Variants in LRIF1 observed in about 807,000 individuals in gnomAD.
The protein encoded by LRIF1 is ligand dependent nuclear receptor interacting factor 1.
A neutral mutation model predicts 52.7 loss-of-function variants in LRIF1; 32 were observed. The observed-to-expected ratio is 0.61, with a 90% confidence interval of 0.46 to 0.82. The LOEUF is 0.82. Among genes scored for constraint, LRIF1 ranks in the 40% least tolerant of loss-of-function variants. The probability of loss-of-function intolerance (pLI) is 0.00; values close to 1 mark genes in which losing one functional copy is unlikely to be tolerated. For missense variants in LRIF1, 887 were observed against 892.0 expected, an observed-to-expected ratio of 0.99 and a Z score of 0.07; for synonymous variants, 323 against 317.4, an observed-to-expected ratio of 1.02 and a Z score of -0.19.
the LRIF1 span, chr1:110,899,306 C>A: frequency 1.3e-6 from 1 of 742,916 alleles, no homozygotes; most frequent in Non-Finnish European, 2.3e-6. Flanking sequence ...CCCATCCTTT[C>A]CCTTTTTAGG....
the LRIF1 span, among the ~76,000 whole-genome samples, chr1:110,887,678 A>C: frequency 6.6e-6 from 1 of 152,160 alleles, no homozygotes; most frequent in African/African-American, 2.4e-5. Flanking sequence ...CTGAGGCTAC[A>C]TCCTTCTGTG....
chr1:110,894,538 T>A, the LRIF1 span: 1 of 657,602 alleles, frequency 1.5e-6, no homozygotes, highest in Non-Finnish European at 2.6e-6. Flanking sequence ...AAACAGAGAG[T>A]AATTGTAATT....
the LRIF1 span, among the ~76,000 whole-genome samples, chr1:110,925,381 C>T: frequency 6.6e-6 from 1 of 151,978 alleles, no homozygotes; most frequent in Non-Finnish European, 1.5e-5. Context: ...ATGCCAGCCT[C>T]CACGGTCACA....
At chr1:110,963,371 G>C (rs1659046978) in intron 1 of LRIF1, 1 of 311,326 alleles carries the variant, frequency 3.2e-6, no homozygotes. Context: ...TACTCGGTCC[G>C]CCTATTAAAC....
the LRIF1 span, among the ~76,000 whole-genome samples, chr1:110,908,031 A>T: frequency 4.9e-4 from 75 of 152,348 alleles, no homozygotes; most frequent in Non-Finnish European, 3.5e-4. Context: ...GATTTATATC[A>T]CGGTGACCTT....
the LRIF1 span, chr1:110,894,193 G>T: frequency 1.4e-6 from 1 of 717,216 alleles, no homozygotes. Context: ...ACAAAAGAAG[G>T]CTTACAACGG....
At chr1:110,896,492 A>G in the LRIF1 span, among the ~76,000 whole-genome samples, 1 of 152,190 alleles carries the variant, frequency 6.6e-6, no homozygotes, top group East Asian at 1.9e-4. Context: ...GGTATAACAG[A>G]TTAGAAAGCA....
the LRIF1 span, among the ~76,000 whole-genome samples, chr1:110,893,321 T>A: frequency 6.6e-6 from 1 of 152,212 alleles, no homozygotes; most frequent in African/African-American, 2.4e-5. Flanking sequence ...TTTGTTTTTT[T>A]CTTCTTGTTG....
chr1:110,952,123 A>C lies in LRIF1; in HGVS notation c.761T>G (p.Val254Gly). ...TATTACTGGCTTTGCTATTTCTGTA[A>C]CAGGTTTTGGGTAAATGTTTTGAAA... ...KNFQNIYPKP[V>G]TEIAKPVILN... Residue 254 changes from valine to glycine, a missense_variant, in exon 2 of 4, where the codon GTT (valine) becomes GGT (glycine). Transcript: ENST00000369763. The C allele has an allele frequency of 6.2e-7, 1 of 1,614,140 alleles. No homozygotes were observed. Among genetic ancestry groups the C allele is most frequent in the Non-Finnish European group, 8.5e-7 (1 of 1,180,016 alleles).
intron 1 of LRIF1, among the ~76,000 whole-genome samples, chr1:110,962,779 G>T (rs1659013293): frequency 1.3e-5 from 2 of 151,984 alleles, no homozygotes; most frequent in South Asian, 4.1e-4. Context: ...TTGCATCTTA[G>T]TTCTTCATTT....
chr1:110,886,069 C>A, the LRIF1 span, among the ~76,000 whole-genome samples: 2 of 151,948 alleles, frequency 1.3e-5, no homozygotes, highest in African/African-American at 2.4e-5. Context: ...ATTCTTTCAC[C>A]TTTTGTATAT....
chr1:110,963,765 C>G lies in LRIF1; in HGVS notation c.-77G>C, dbSNP rs1177560887. Reference sequence around the variant, plus strand: ...CCGAGTTTCCCAATGGGGCGAGAACCAGAGCGAGGGAATGTTGGGCTGGAG... The same window carrying G: ...CCGAGTTTCCCAATGGGGCGAGAACGAGAGCGAGGGAATGTTGGGCTGGAG... On this transcript the variant is annotated 5_prime_UTR_variant, in exon 1 of 4. Transcript: ENST00000369763. 8.4e-7 allele frequency: 1 copy of G among 1,195,008 alleles called. No individual in the cohort carries two copies. The highest frequency in any genetic ancestry group is 1.5e-5 in the African/African-American group (1 of 66,642). The allele number at this position is 1,195,008 out of a possible 1,614,324, so 74.0% of individuals were successfully genotyped here. A position where few individuals can be genotyped will look rare whatever the true frequency, so the allele number is the denominator to read the frequency against.
chr1:110,891,558 G>A, the LRIF1 span: 4 of 914,470 alleles, frequency 4.4e-6, no homozygotes, highest in South Asian at 4.1e-5. Context: ...CTGGTGTGGG[G>A]TAAAATGCAT....
At chr1:110,939,357 G>C in the LRIF1 span, 1 of 118,006 alleles carries the variant, frequency 8.5e-6, no homozygotes, top group East Asian at 2.7e-4. Flanking sequence ...CAACCTGGGA[G>C]ACACAGCGAG....
rs1658379009 is a variant in LRIF1, at chr1:110,949,699, G to A, written c.1869+152C>T. The A allele has an allele frequency of 3.4e-6, 3 of 877,610 alleles. No homozygotes were observed. In the Admixed American group the frequency reaches 8.1e-5, roughly 24 times the overall value. 54.4% of individuals were successfully genotyped at this position (877,610 alleles called of 1,614,324 possible). On this transcript the variant is annotated intron_variant, in intron 3 of 3. Transcript: ENST00000369763. ...CCTTCCAAAGTGCTGGGGCCTGGTTGTTTTAAATATCATTTTGGTATTATG... is the reference window on the plus strand; with the variant it reads ...CCTTCCAAAGTGCTGGGGCCTGGTTATTTTAAATATCATTTTGGTATTATG...
the LRIF1 span, chr1:110,897,710 T>C: frequency 8.8e-6 from 6 of 685,388 alleles, no homozygotes. Context: ...CTCTTTGTAT[T>C]ACATAAAGCA....
chr1:110,886,751 T>C, the LRIF1 span, among the ~76,000 whole-genome samples: 2 of 151,004 alleles, frequency 1.3e-5, no homozygotes, highest in Non-Finnish European at 3.0e-5. Flanking sequence ...GGGAGGCTGA[T>C]GCAGAATTGC....
At chr1:110,890,591 GA>G in the LRIF1 span, among the ~76,000 whole-genome samples, 432 of 151,742 alleles carry the variant, frequency 2.8e-3, 2 homozygotes, top group African/African-American at 0.01. Flanking sequence ...GAGAGAAAGA[GA>G]AAGAGAAAGG....
At chr1:110,913,704 T>G in the LRIF1 span, among the ~76,000 whole-genome samples, 4 of 152,228 alleles carry the variant, frequency 2.6e-5, no homozygotes, top group East Asian at 7.7e-4. Flanking sequence ...GAATGTACAT[T>G]AGTTTAGCCA....
Sources: gnomAD v4.1 joint callset for allele counts (sites outside exome capture counted in the v4.1 genomes callset) on GRCh38, gnomAD v4.1.1 for gene constraint, MANE v1.5 for transcripts, NCBI Gene and HGNC (gene_info 2026-07-23, HGNC 2026-07-21) for gene names.